Variants in DBNL observed in about 807,000 individuals in gnomAD.
DBNL encodes the protein drebrin like, also known as drebrin-like protein.
A neutral mutation model predicts 62.2 loss-of-function variants in DBNL; 35 were observed. The ratio of observed to expected loss-of-function variants is 0.56; its 90% CI spans 0.43 to 0.75. The LOEUF is 0.75. DBNL is among the 30% of genes least tolerant of loss of function. The pLI is 0.00. For missense variants in DBNL, 495 were observed against 578.4 expected (o/e 0.86, Z 1.48); for synonymous variants, 197 against 218.0 (o/e 0.90, Z 0.85).
At chr7:44,044,889 G>A (rs2096114019) in intron 1 of DBNL, 69 bp downstream of exon 1, 1 of 1,330,062 alleles carries the variant, frequency 7.5e-7, no homozygotes, top group Non-Finnish European at 9.7e-7. Context: ...GGGGCGAGCG[G>A]GGGACTCGGG....
In DBNL at chr7:44,060,787, A is replaced by G. The variant is rs144160272; in HGVS notation, c.1164A>G (p.Thr388=). ...ALYDYQAADD[T]EISFDPENLI... Reference sequence around the variant, plus strand: ...TCATCCTCTTTGCAGCCGACGACACAGAGATCTCCTTTGACCCCGAGAACC... The same window carrying G: ...TCATCCTCTTTGCAGCCGACGACACGGAGATCTCCTTTGACCCCGAGAACC... The change falls in exon 13 of 13, where the codon ACA becomes ACG. Residue 388 remains threonine, a synonymous_variant. Transcript: ENST00000448521. The surrounding 1 kb of genome is among the most constrained non-coding windows in gnomAD (Gnocchi z 6.3). 1.7e-4 allele frequency: 277 copies of G among 1,613,732 alleles called. No individual in the cohort carries two copies. Among genetic ancestry groups the G allele is most frequent in the Non-Finnish European group, 2.0e-4 (238 of 1,179,906 alleles).
chr7:44,048,075 C>T (rs2096120465), intron 1 of DBNL, among the ~76,000 whole-genome samples: 1 of 152,138 alleles, frequency 6.6e-6, no homozygotes, highest in Non-Finnish European at 1.5e-5. Flanking sequence ...CACCACCACA[C>T]CCAGCTAATT....
At chr7:44,058,783 C>A in intron 8 of DBNL, 119 bp from the exon 9 acceptor site, 1 of 1,137,406 alleles carries the variant, frequency 8.8e-7, no homozygotes, top group Non-Finnish European at 1.3e-6. Context: ...CATGTTTTGC[C>A]TCCTGGCCCC....
intron 1 of DBNL, among the ~76,000 whole-genome samples, chr7:44,046,771 A>T (rs1479887680): frequency 3.3e-5 from 5 of 152,178 alleles, no homozygotes; most frequent in Non-Finnish European, 7.3e-5. Flanking sequence ...TATCTGGACC[A>T]TGTCACTTCC....
Position 44,065,506 on chromosome 7 carries a change from C to G in DBNL, c.*4590C>G. 1 of 1,614,082 alleles carries G rather than the reference C, an allele frequency of 6.2e-7. No homozygotes were observed. ...TCCATGTGCTCTCGCCGTGCCGGAC[C>G]ATCACGAGGCGGTGAGTGGCCATGG... On this transcript the variant is annotated 3_prime_UTR_variant, in exon 13 of 13. Transcript: ENST00000448521.
intron 3 of DBNL, 65 bp downstream of exon 3, chr7:44,052,007 A>G: frequency 1.4e-6 from 2 of 1,468,836 alleles, no homozygotes; most frequent in Middle Eastern, 3.5e-4. Context: ...TCCTGTTTTG[A>G]CTTGACTTCA....
chr7:44,058,946 G>A lies in DBNL; in HGVS notation c.798G>A (p.Arg266=), dbSNP rs1189205553. Residue 266 remains arginine (R), a synonymous_variant, in exon 9 of 13, where the codon AGG becomes AGA. Coordinates refer to ENST00000448521, the MANE Select transcript of DBNL (RefSeq NM_001014436.3). ...HPREIFKQKE[R]AMSTTSISSP... is the part of the protein sequence containing the mutation. Reference sequence around the variant, plus strand: ...GGGAGATTTTCAAGCAGAAGGAGAGGGCCATGTCCACCACCTCCATCTCCA... The same window carrying A: ...GGGAGATTTTCAAGCAGAAGGAGAGAGCCATGTCCACCACCTCCATCTCCA... The A allele has an allele frequency of 2.5e-6, 4 of 1,613,822 alleles. No individual in the cohort carries two copies. In the Admixed American group the frequency reaches 5.0e-5, roughly 20 times the overall value.
chr7:44,060,692 C>T lies in DBNL; in HGVS notation c.1154-85C>T. On this transcript the variant is annotated intron_variant, in intron 12 of 12. Coordinates refer to ENST00000448521, the MANE Select transcript of DBNL (RefSeq NM_001014436.3). The surrounding 1 kb of genome is among the most constrained non-coding windows in gnomAD (Gnocchi z 6.3). ...AGAGCTGCAGCGAGGTGTGCTGCAG[C>T]AGTGTGGGGCTGCCGTGGGCTGCCC... 6.5e-7 allele frequency: 1 copy of T among 1,549,606 alleles called. No homozygotes were observed. Among genetic ancestry groups the T allele is most frequent in the Non-Finnish European group, 8.7e-7 (1 of 1,143,578 alleles).
Position 44,060,620 on chromosome 7 carries a change from T to A in DBNL, c.1154-157T>A, listed in dbSNP as rs1172201905. Among the ~76,000 whole-genome samples the A allele has an allele frequency of 9.2e-5, 14 of 152,084 alleles. No homozygotes were observed. Among genetic ancestry groups the A allele is most frequent in the Admixed American group, 9.2e-4 (14 of 15,270 alleles). On this transcript the variant is annotated intron_variant, in intron 12 of 12. Transcript: ENST00000448521. This position sits in a 1 kb window ranked among gnomAD's most constrained non-coding sequence, Gnocchi z 6.3. ...AGCCGCATTGGGACAGGGTGCAGTG[T>A]TGGCCAAGGCTTAGCAGGGTGGCAG...
At position 44,064,443 on chromosome 7, in the gene DBNL, C is replaced by G; in HGVS notation, c.*3527C>G. ...TTCAGTACCAGGGGGAGCTCCCCAC[C>G]ACCCCGGAAAAGGGAGAGGCCCAGA... On this transcript the variant is annotated 3_prime_UTR_variant, in exon 13 of 13. Coordinates refer to ENST00000448521, the MANE Select transcript of DBNL (RefSeq NM_001014436.3). 3.2e-6 allele frequency: 1 copy of G among 311,216 alleles called. No individual in the cohort carries two copies. Among genetic ancestry groups the G allele is most frequent in the South Asian group, 3.0e-5 (1 of 33,698 alleles). The allele number at this position is 311,216 out of a possible 1,614,324, so 19.3% of individuals were successfully genotyped here. A position where few individuals can be genotyped will look rare whatever the true frequency, so the allele number is the denominator to read the frequency against.
rs1562654494 is a variant in DBNL, at chr7:44,056,755, A to AG, written c.331dup. 1.2e-6 allele frequency: 2 copies of AG among 1,613,830 alleles called. No individual in the cohort carries two copies. The highest frequency in any genetic ancestry group is 1.7e-6 in the Non-Finnish European group (2 of 1,180,004). ...TTCTTTCAAGTGCTGCTCCTGCTGC[A>AG]GGGGGCCCATGTGACCATCAACGCA... On this transcript the variant is annotated splice_acceptor_variant, in intron 4 of 12. Coordinates refer to ENST00000448521, the MANE Select transcript of DBNL (RefSeq NM_001014436.3). LOFTEE classifies it high-confidence loss of function.
intron 1 of DBNL, among the ~76,000 whole-genome samples, chr7:44,048,104 C>T (rs545687905): frequency 3.0e-4 from 45 of 152,168 alleles, no homozygotes; most frequent in African/African-American, 1.0e-3. Flanking sequence ...TTAGTAGAGA[C>T]GGGGTTTCCC....
rs2096159890 is a variant in DBNL at position 44,066,299 on chromosome 7, C to A, written c.*5383C>A. 6.5e-6 allele frequency: 1 copy of A among 154,204 alleles called. No individual in the cohort carries two copies. Among genetic ancestry groups the A allele is most frequent in the Non-Finnish European group, 1.4e-5 (1 of 69,460 alleles). 9.6% of individuals were successfully genotyped at this position (154,204 alleles called of 1,614,324 possible). A position where few individuals can be genotyped will look rare whatever the true frequency, so the allele number is the denominator to read the frequency against. On this transcript the variant is annotated 3_prime_UTR_variant, in exon 13 of 13. Coordinates refer to ENST00000448521, the MANE Select transcript of DBNL (RefSeq NM_001014436.3). ...AATCCAAGGGGGTTTGGGGGCAGGA[C>A]TGAGGACTGTCAGAAGTCTTGATTG... is the stretch of plus-strand genomic sequence containing the variant.
chr7:44,059,632 G>A lies in DBNL; in HGVS notation c.1021G>A (p.Glu341Lys), dbSNP rs367606060. The part of the protein sequence containing the change: ...EAVYEEPPEQ[E>K]TFYEQPPLVQ... ...TGTGTATGAGGAACCTCCAGAGCAG[G>A]AGACCTTCTACGAGCAGCCCCCACT... Residue 341 changes from glutamate (E) to lysine (K), a missense_variant, in exon 11 of 13, where the codon GAG (glutamate) becomes AAG (lysine). Glu to Lys is a moderately conservative substitution (Grantham distance 56). Transcript: ENST00000448521. The surrounding 1 kb of genome is among the most constrained non-coding windows in gnomAD (Gnocchi z 4.1). 7 of 1,608,108 alleles carry A rather than the reference G, an allele frequency of 4.4e-6. No individual in the cohort carries two copies. In the African/African-American group the frequency reaches 8.0e-5, roughly 18 times the overall value.
chr7:44,053,822 A>T (rs570985309), intron 4 of DBNL, among the ~76,000 whole-genome samples: 1 of 151,604 alleles, frequency 6.6e-6, no homozygotes, highest in Non-Finnish European at 1.5e-5. Flanking sequence ...GACTGCAGGC[A>T]CCCGCCACCA....
At position 44,066,123 on chromosome 7, in the gene DBNL, G is replaced by A. The variant is rs991435121; in HGVS notation, c.*5207G>A. ...AATGGGCAAGGGCTGGGGCTGAGCC[G>A]GGTTTCCAGGACAAAGGGGGAAAGG... On this transcript the variant is annotated 3_prime_UTR_variant, in exon 13 of 13. Transcript: ENST00000448521. 5.7e-5 allele frequency: 10 copies of A among 176,078 alleles called. No individual in the cohort carries two copies. Among genetic ancestry groups the A allele is most frequent in the Admixed American group, 3.2e-4 (6 of 18,652 alleles). The allele number at this position is 176,078 out of a possible 1,614,324, so 10.9% of individuals were successfully genotyped here.
rs2096156143 is a variant in DBNL, at chr7:44,064,836, C to G, written c.*3920C>G. ...GGCTCCTGAAGGTGGCCTCACCTTC[C>G]AGGTGCTTGACAATGCCCCGCAGGC... On this transcript the variant is annotated 3_prime_UTR_variant, in exon 13 of 13. Transcript: ENST00000448521. 6.3e-7 allele frequency: 1 copy of G among 1,592,670 alleles called. No homozygotes were observed. Among genetic ancestry groups the G allele is most frequent in the Non-Finnish European group, 8.5e-7 (1 of 1,170,310 alleles).
intron 1 of DBNL, among the ~76,000 whole-genome samples, chr7:44,047,816 A>C (rs1439269946): frequency 1.3e-5 from 2 of 151,876 alleles, no homozygotes; most frequent in Non-Finnish European, 2.9e-5. Flanking sequence ...CGCTGGGAAC[A>C]TTCTTAAAGG....
Position 44,065,319 on chromosome 7 carries a change from G to A in DBNL, c.*4403G>A, listed in dbSNP as rs768149477. ...AGCCACATCTGGTCCGTGCCGTCCA[G>A]GATGGCCCAGAGGGTGCGGATGGCC... On this transcript the variant is annotated 3_prime_UTR_variant, in exon 13 of 13. Transcript: ENST00000448521. The A allele has an allele frequency of 1.2e-6, 2 of 1,613,668 alleles. No individual in the cohort carries two copies. Among genetic ancestry groups the A allele is most frequent in the Non-Finnish European group, 8.5e-7 (1 of 1,180,044 alleles).
Sources: allele counts gnomAD v4.1 joint callset (sites outside exome capture counted in the v4.1 genomes callset), GRCh38; gene constraint gnomAD v4.1.1; non-coding constraint Gnocchi (gnomAD v3.1); transcripts MANE v1.5; gene names NCBI Gene and HGNC (gene_info 2026-07-23, HGNC 2026-07-21).